Variants in BMAL1 observed in about 807,000 individuals in gnomAD.
BMAL1 encodes the protein basic helix-loop-helix ARNT like 1, also known as basic helix-loop-helix ARNT-like protein 1.
At chr11:13,355,361 TGA>T in the BMAL1 span, 6 of 1,492,874 alleles carry the variant, frequency 4.0e-6, no homozygotes, top group Non-Finnish European at 5.6e-6. Context: ...ATGAGGGCTG[TGA>T]GGGCGTTCTT....
chr11:13,383,511 C>T, the BMAL1 span, among the ~76,000 whole-genome samples: 1 of 152,108 alleles, frequency 6.6e-6, no homozygotes. Context: ...TTCACCACCA[C>T]ACACTCACAG....
At chr11:13,349,872 A>G in the BMAL1 span, 148 of 152,276 alleles carry the variant, frequency 9.7e-4, no homozygotes, top group African/African-American at 3.5e-3. Flanking sequence ...CCCTTAGCTA[A>G]TAAGAGATTT....
the BMAL1 span, among the ~76,000 whole-genome samples, chr11:13,280,702 C>G: frequency 6.6e-6 from 1 of 152,154 alleles, no homozygotes; most frequent in Admixed American, 6.5e-5. Context: ...TCATTGTCAC[C>G]TTATCACAAG....
chr11:13,323,503 AT>A, the BMAL1 span, among the ~76,000 whole-genome samples: 85,339 of 128,538 alleles, frequency 0.66, 24,085 homozygotes, highest in Middle Eastern at 0.71. Context: ...GGTCCCCATC[AT>A]TTTTACCTGG....
At chr11:13,346,667 C>A in the BMAL1 span, among the ~76,000 whole-genome samples, 7 of 152,178 alleles carry the variant, frequency 4.6e-5, no homozygotes, top group African/African-American at 1.7e-4. Context: ...ATGGAGGGTG[C>A]CCTCTCACAT....
chr11:13,325,893 A>G, the BMAL1 span, among the ~76,000 whole-genome samples: 1 of 151,818 alleles, frequency 6.6e-6, no homozygotes, highest in African/African-American at 2.4e-5. Flanking sequence ...CAAGTGCAGT[A>G]GTGAGAAGCG....
chr11:13,384,815 T>A, the BMAL1 span, among the ~76,000 whole-genome samples: 1 of 152,222 alleles, frequency 6.6e-6, no homozygotes, highest in Non-Finnish European at 1.5e-5. Flanking sequence ...TATGTTAACA[T>A]GTAGCGGGTT....
chr11:13,278,403 C>T, the BMAL1 span, among the ~76,000 whole-genome samples: 1 of 152,196 alleles, frequency 6.6e-6, no homozygotes, highest in East Asian at 1.9e-4. Flanking sequence ...GGGACCATGC[C>T]TGGTGGCTGC....
At chr11:13,295,011 G>A in the BMAL1 span, among the ~76,000 whole-genome samples, 5 of 152,296 alleles carry the variant, frequency 3.3e-5, no homozygotes, top group African/African-American at 1.2e-4. Flanking sequence ...GTGCTCCTGG[G>A]ATGAGGTGAA....
At chr11:13,315,999 C>T in the BMAL1 span, among the ~76,000 whole-genome samples, 2 of 152,230 alleles carry the variant, frequency 1.3e-5, no homozygotes, top group Non-Finnish European at 2.9e-5. Context: ...ACATCTGTGC[C>T]TTGTTAAGGT....
chr11:13,349,259 G>A, the BMAL1 span, among the ~76,000 whole-genome samples: 3 of 152,346 alleles, frequency 2.0e-5, no homozygotes, highest in African/African-American at 7.2e-5. Flanking sequence ...TCAGGTGTTG[G>A]CTCTGCTGGC....
the BMAL1 span, among the ~76,000 whole-genome samples, chr11:13,350,651 T>C: frequency 0.15 from 22,390 of 152,044 alleles, 2,248 homozygotes; most frequent in African/African-American, 0.28. Context: ...GACTAGCAAA[T>C]GGTGTTAGAA....
the BMAL1 span, chr11:13,374,125 A>G: frequency 2.5e-6 from 4 of 1,613,748 alleles, no homozygotes; most frequent in African/African-American, 1.3e-5. Context: ...ATTTACCACA[A>G]GAACTTCTAG....
chr11:13,316,133 C>T, the BMAL1 span, among the ~76,000 whole-genome samples: 2 of 152,202 alleles, frequency 1.3e-5, no homozygotes, highest in Non-Finnish European at 2.9e-5. Flanking sequence ...TCCTGGTCCT[C>T]TTGATCTGCA....
the BMAL1 span, among the ~76,000 whole-genome samples, chr11:13,284,314 G>T: frequency 6.9e-6 from 1 of 144,182 alleles, no homozygotes; most frequent in Non-Finnish European, 1.5e-5. Context: ...TAGATAGTAA[G>T]GGACACATTG....
At chr11:13,360,856 G>A in the BMAL1 span, among the ~76,000 whole-genome samples, 1 of 152,274 alleles carries the variant, frequency 6.6e-6, no homozygotes, top group African/African-American at 2.4e-5. Flanking sequence ...TGTGGCTCAC[G>A]CCTATAATCC....
chr11:13,353,202 A>G, the BMAL1 span: 1 of 152,508 alleles, frequency 6.6e-6, no homozygotes, highest in East Asian at 1.9e-4. Flanking sequence ...TACAAAAGTC[A>G]TAACAGGATG....
At chr11:13,282,025 G>A in the BMAL1 span, among the ~76,000 whole-genome samples, 1 of 152,204 alleles carries the variant, frequency 6.6e-6, no homozygotes, top group Non-Finnish European at 1.5e-5. Context: ...TTGTGGACAT[G>A]AATGGCAGCC....
the BMAL1 span, among the ~76,000 whole-genome samples, chr11:13,351,292 G>C: frequency 5.3e-5 from 8 of 152,340 alleles, no homozygotes; most frequent in East Asian, 1.5e-3. Context: ...TTGAATGCGG[G>C]TTGTGAAAGA....
Sources: allele counts gnomAD v4.1 joint callset (sites outside exome capture counted in the v4.1 genomes callset), GRCh38; gene constraint gnomAD v4.1.1; transcripts MANE v1.5; gene names NCBI Gene and HGNC (gene_info 2026-07-23, HGNC 2026-07-21).